The following CCDC169 variants were observed in gnomAD, a reference collection of about 807,000 sequenced individuals.
CCDC169 encodes the protein coiled-coil domain containing 169, also known as coiled-coil domain-containing protein 169.
CCDC169 carries 30 observed loss-of-function variants against 36.0 expected under a neutral mutation model. The observed-to-expected ratio is 0.83, with a 90% CI of 0.62 to 1.13. CCDC169 has a LOEUF of 1.13. Ranked by LOEUF, CCDC169 falls within the 50% of genes most tolerant of loss-of-function variation. The pLI is 0.00. For synonymous variants in CCDC169, 85 were observed against 81.5 expected (o/e 1.04, Z -0.23); for missense variants, 245 against 245.9 (o/e 1.00, Z 0.03).
At chr13:36,228,163 C>T (rs972185586), downstream of CCDC169, among the ~76,000 whole-genome samples, 1 of 152,146 alleles carries the variant, frequency 6.6e-6, no homozygotes, top group Non-Finnish European at 1.5e-5. Context: ...CATGGGTTTC[C>T]ATTTTTCTTG....
rs58347539 is a variant in CCDC169, at chr13:36,284,035, C to A, written c.164-333G>T. 4.0e-3 allele frequency among the ~76,000 whole-genome samples: 609 copies of A among 151,994 alleles called. 4 individuals carry two copies. Among genetic ancestry groups the A allele is most frequent in the African/African-American group, 0.013 (538 of 41,488 alleles). On this transcript the variant is annotated intron_variant, in intron 2 of 7. Coordinates refer to ENST00000239859, the MANE Select transcript of CCDC169 (RefSeq NM_001144981.3). Reference sequence around the variant, plus strand: ...TTAGAGGGAATATCAGGACATGTTTCTTTCCTTGGAACTTGAAATACCCAT... The same window carrying A: ...TTAGAGGGAATATCAGGACATGTTTATTTCCTTGGAACTTGAAATACCCAT...
intron 6 of CCDC169, among the ~76,000 whole-genome samples, chr13:36,249,352 A>C (rs1221954336): frequency 6.6e-6 from 1 of 152,216 alleles, no homozygotes; most frequent in East Asian, 1.9e-4. Flanking sequence ...AAAAACTACT[A>C]TCATAGAAGT....
chr13:36,294,932 G>C (rs971146700), intron 2 of CCDC169, among the ~76,000 whole-genome samples: 3 of 152,094 alleles, frequency 2.0e-5, no homozygotes, highest in Non-Finnish European at 2.9e-5. Context: ...TGTGGTGCTG[G>C]GCTGTCTGCC....
chr13:36,277,451 ACATGTACCC>A (rs1275233936), intron 4 of CCDC169, among the ~76,000 whole-genome samples: 1 of 152,216 alleles, frequency 6.6e-6, no homozygotes, highest in African/African-American at 2.4e-5. Context: ...CACATCCTGC[ACATGTACCC>A]CAGAACTTAA....
Position 36,254,136 on chromosome 13 carries a change from AAGG to A in CCDC169, c.320_322del (p.Ser107del). The stretch of plus-strand genomic sequence containing the variant: ...TTCTAGCTGTTTAAGTAATGTGTTT[AAGG>A]ATTCCTAAAAATATAAATAGTAAAA... On this transcript the variant is annotated inframe_deletion, in exon 5 of 8. Coordinates refer to ENST00000239859, the MANE Select transcript of CCDC169 (RefSeq NM_001144981.3). The A allele has an allele frequency of 6.6e-7, 1 of 1,513,582 alleles. No individual in the cohort carries two copies. Among genetic ancestry groups the A allele is most frequent in the Non-Finnish European group, 8.8e-7 (1 of 1,134,308 alleles). 93.8% of individuals were successfully genotyped at this position (1,513,582 alleles called of 1,614,324 possible).
downstream of CCDC169, among the ~76,000 whole-genome samples, chr13:36,229,154 C>T (rs1009366316): frequency 2.6e-5 from 4 of 152,168 alleles, no homozygotes; most frequent in African/African-American, 9.7e-5. Flanking sequence ...TACCCTTGAT[C>T]TGCACAGCAA....
At chr13:36,270,400 C>T (rs1875884276) in intron 4 of CCDC169, among the ~76,000 whole-genome samples, 1 of 151,942 alleles carries the variant, frequency 6.6e-6, no homozygotes. Flanking sequence ...CATCATTTTT[C>T]ACGGAATTAG....
chr13:36,238,132 G>T (rs962726150), intron 7 of CCDC169, among the ~76,000 whole-genome samples: 4 of 152,156 alleles, frequency 2.6e-5, no homozygotes, highest in African/African-American at 9.7e-5. Context: ...AGTGGAAGGG[G>T]GTTTGGGAAC....
At chr13:36,263,746 T>TGAAAC (rs1874894158) in intron 4 of CCDC169, among the ~76,000 whole-genome samples, 1 of 152,194 alleles carries the variant, frequency 6.6e-6, no homozygotes, top group Non-Finnish European at 1.5e-5. Flanking sequence ...ATGAATGGTT[T>TGAAAC]CCAGTTCCCT....
In CCDC169 at chr13:36,279,634, C is replaced by T. The variant is rs74351664; in HGVS notation, c.315+3835G>A. ...GAAGTGCCCTAGGTGATTCCATAACCTACCAAAGTTTATGGATCACTGCCT... is the reference window on the plus strand; with the variant it reads ...GAAGTGCCCTAGGTGATTCCATAACTTACCAAAGTTTATGGATCACTGCCT... On this transcript the variant is annotated intron_variant, in intron 4 of 7. Coordinates refer to ENST00000239859, the MANE Select transcript of CCDC169 (RefSeq NM_001144981.3). Among the ~76,000 whole-genome samples, 1,278 of 152,232 alleles carry T rather than the reference C, an allele frequency of 8.4e-3. 11 individuals carry two copies. Among genetic ancestry groups the T allele is most frequent in the African/African-American group, 0.026 (1,066 of 41,534 alleles).
At chr13:36,249,821 T>G (rs1872927689) in intron 6 of CCDC169, among the ~76,000 whole-genome samples, 1 of 152,120 alleles carries the variant, frequency 6.6e-6, no homozygotes, top group African/African-American at 2.4e-5. Context: ...AAGAACAGGA[T>G]AGTAAATCTG....
intron 4 of CCDC169, among the ~76,000 whole-genome samples, chr13:36,264,499 T>C (rs1482794610): frequency 2.0e-5 from 3 of 152,116 alleles, no homozygotes; most frequent in Admixed American, 6.6e-5. Context: ...CTCAGGAGTC[T>C]AAGAACTGGG....
At chr13:36,290,023 T>TA (rs35688284) in intron 2 of CCDC169, among the ~76,000 whole-genome samples, 2 of 151,816 alleles carry the variant, frequency 1.3e-5, no homozygotes, top group Non-Finnish European at 2.9e-5. Context: ...TCCAGCCCCT[T>TA]AAAAAAAAGG....
At chr13:36,230,261 A>G (rs544666470), downstream of CCDC169, among the ~76,000 whole-genome samples, 2 of 152,236 alleles carry the variant, frequency 1.3e-5, no homozygotes, top group South Asian at 2.1e-4. Flanking sequence ...CTGAAGTCCA[A>G]TGATTTCACT....
intron 7 of CCDC169, among the ~76,000 whole-genome samples, chr13:36,245,370 G>C (rs1158459603): frequency 6.6e-6 from 1 of 152,008 alleles, no homozygotes; most frequent in Non-Finnish European, 1.5e-5. Flanking sequence ...TGCAATCGTG[G>C]CTCACTGCAG....
At chr13:36,275,697 A>C (rs907409030) in intron 4 of CCDC169, among the ~76,000 whole-genome samples, 7 of 152,248 alleles carry the variant, frequency 4.6e-5, no homozygotes, top group African/African-American at 1.7e-4. Context: ...GCCCAGTGGG[A>C]GCATGACTAA....
chr13:36,227,236 T>C (rs1051842346), downstream of CCDC169: 6 of 1,550,560 alleles, frequency 3.9e-6, no homozygotes, highest in African/African-American at 6.8e-5. Flanking sequence ...ACAGCCAAGG[T>C]TGAGGACCCA....
At chr13:36,246,301 A>G (rs978746) in intron 7 of CCDC169, among the ~76,000 whole-genome samples, 59,137 of 152,186 alleles carry the variant, frequency 0.39, 12,182 homozygotes, top group Non-Finnish European at 0.46. Context: ...AAGCCAAGGC[A>G]TAAATGCAAA....
chr13:36,292,367 A>T (rs537231910), intron 2 of CCDC169, among the ~76,000 whole-genome samples: 34 of 152,226 alleles, frequency 2.2e-4, no homozygotes, highest in African/African-American at 7.7e-4. Flanking sequence ...CAATTTTTTT[A>T]AAAAACGTAC....
Sources: gnomAD v4.1 joint callset for allele counts (sites outside exome capture counted in the v4.1 genomes callset) on GRCh38, gnomAD v4.1.1 for gene constraint, MANE v1.5 for transcripts, NCBI Gene and HGNC (gene_info 2026-07-23, HGNC 2026-07-21) for gene names.